The following GAN variants were observed in gnomAD, a reference collection of about 807,000 sequenced individuals.
GAN encodes epididymis secretory sperm binding protein.
GAN carries 48 observed loss-of-function variants against 71.3 expected under a neutral mutation model. That is an observed-to-expected ratio of 0.67 (90% CI 0.53 to 0.86). The LOEUF is 0.86. GAN is among the 40% of genes least tolerant of loss of function. The pLI, the probability that GAN is intolerant of heterozygous loss-of-function variation, is 0.00. For missense variants in GAN, 928 were observed against 770.1 expected (o/e 1.21, Z -2.43); for synonymous variants, 386 against 276.8 (o/e 1.39, Z -3.92).
At chr16:81,358,842 C>T (rs935794201) in intron 5 of GAN, among the ~76,000 whole-genome samples, 1 of 152,194 alleles carries the variant, frequency 6.6e-6, no homozygotes, top group African/African-American at 2.4e-5. Context: ...CCTTGTCCAC[C>T]TGATAAGTGT....
intron 9 of GAN, among the ~76,000 whole-genome samples, chr16:81,368,252 G>A (rs1910925415): frequency 6.6e-6 from 1 of 152,144 alleles, no homozygotes; most frequent in African/African-American, 2.4e-5. Flanking sequence ...TCTGTTCCTT[G>A]TGTCCATATT....
intron 6 of GAN, 145 bp downstream of exon 6, chr16:81,362,756 G>C (rs895878617): frequency 1.1e-5 from 8 of 699,322 alleles, no homozygotes. Flanking sequence ...TCTAGTGCCC[G>C]GCTCTCCTCC....
At chr16:81,358,557 C>G (rs192351480) in intron 5 of GAN, among the ~76,000 whole-genome samples, 1 of 150,758 alleles carries the variant, frequency 6.6e-6, no homozygotes, top group East Asian at 1.9e-4. Context: ...TGCTGTGAGC[C>G]AAGATCACAC....
At chr16:81,320,314 C>G (rs934985085) in intron 1 of GAN, among the ~76,000 whole-genome samples, 5 of 152,188 alleles carry the variant, frequency 3.3e-5, no homozygotes, top group African/African-American at 1.2e-4. Flanking sequence ...TCCGTGAGTA[C>G]TATGTGGTGT....
chr16:81,329,494 C>G (rs1025500360), intron 1 of GAN, among the ~76,000 whole-genome samples: 1 of 152,222 alleles, frequency 6.6e-6, no homozygotes, highest in Admixed American at 6.5e-5. Context: ...ATCTCTTTAT[C>G]TTGTGCACAG....
intron 1 of GAN, among the ~76,000 whole-genome samples, chr16:81,329,132 C>A (rs940151564): frequency 3.8e-4 from 57 of 151,780 alleles, no homozygotes; most frequent in African/African-American, 1.4e-3. Context: ...CTGACTGTCT[C>A]ATCTCCTGTT....
At chr16:81,367,603 A>G (rs2150693214) in intron 9 of GAN, among the ~76,000 whole-genome samples, 2 of 152,352 alleles carry the variant, frequency 1.3e-5, no homozygotes, top group South Asian at 4.1e-4. Context: ...TGATGTTTGT[A>G]AATAGAATGA....
At position 81,377,494 on chromosome 16, in the gene GAN, C is replaced by G. The variant is rs778536402; in HGVS notation, c.1692C>G (p.Asp564Glu). The change falls in exon 11 of 11, where the codon GAC becomes GAG. Residue 564 changes from aspartate (D) to glutamate (E), a missense_variant. Physicochemically the swap from Asp to Glu is conservative, Grantham distance 45 (BLOSUM62 2). Coordinates refer to ENST00000648994, the MANE Select transcript of GAN (RefSeq NM_022041.4). ...ACACTAAACCACTCCTTCCATCCGACCTTCGCCGTACAGGATGTGCAGCCT... is the reference window on the plus strand; with the variant it reads ...ACACTAAACCACTCCTTCCATCCGAGCTTCGCCGTACAGGATGTGCAGCCT... ...WHHTKPLLPS[D>E]LRRTGCAALR... is the part of the protein sequence containing the mutation. 1.9e-6 allele frequency: 3 copies of G among 1,614,004 alleles called. No individual in the cohort carries two copies. The highest frequency in any genetic ancestry group is 1.3e-5 in the African/African-American group (1 of 74,930).
Position 81,315,084 on chromosome 16 carries a change from G to C in GAN, c.-30G>C. The C allele has an allele frequency of 6.8e-7, 1 of 1,460,860 alleles. No individual in the cohort carries two copies. Among genetic ancestry groups the C allele is most frequent in the South Asian group, 1.3e-5 (1 of 75,328 alleles). 90.5% of individuals were successfully genotyped at this position (1,460,860 alleles called of 1,614,324 possible). ...GTCCGGCCGGACGGTGTCGGGAGCCGGACCCGTCGGCAGAGGAGCGGGCGC... is the reference window on the plus strand; with the variant it reads ...GTCCGGCCGGACGGTGTCGGGAGCCCGACCCGTCGGCAGAGGAGCGGGCGC... On this transcript the variant is annotated 5_prime_UTR_variant, in exon 1 of 11. Transcript: ENST00000648994.
At chr16:81,338,306 A>G (rs908592934) in intron 1 of GAN, among the ~76,000 whole-genome samples, 1 of 152,224 alleles carries the variant, frequency 6.6e-6, no homozygotes, top group Non-Finnish European at 1.5e-5. Context: ...AAGACTTCCA[A>G]GAAATTTACA....
At chr16:81,336,414 T>A (rs1317063021) in intron 1 of GAN, among the ~76,000 whole-genome samples, 4 of 152,182 alleles carry the variant, frequency 2.6e-5, no homozygotes, top group Non-Finnish European at 5.9e-5. Context: ...CAAATTGATA[T>A]TTCATTTAAG....
chr16:81,372,076 C>G (rs1368076715), intron 9 of GAN: 1 of 152,318 alleles, frequency 6.6e-6, no homozygotes, highest in African/African-American at 2.4e-5. Flanking sequence ...CTCTTCCTCT[C>G]TCCTTTCCTG....
intron 1 of GAN, among the ~76,000 whole-genome samples, chr16:81,322,020 C>T (rs1481636334): frequency 6.6e-6 from 1 of 152,158 alleles, no homozygotes; most frequent in Non-Finnish European, 1.5e-5. Flanking sequence ...GTTCCTGATT[C>T]TGGTGCTTGG....
In GAN at chr16:81,332,611, T is replaced by A. The variant is rs74620326; in HGVS notation, c.167+17331T>A. On this transcript the variant is annotated intron_variant, in intron 1 of 10. Coordinates refer to ENST00000648994, the MANE Select transcript of GAN (RefSeq NM_022041.4). ...TGACCACTCTCTCCCAAGAGCTGAT[T>A]CTGCCTTCCCTTGTACATAGCACAT... Among the ~76,000 whole-genome samples the A allele has an allele frequency of 6.0e-3, 911 of 152,316 alleles. 3 individuals are homozygous for A. The highest frequency in any genetic ancestry group is 9.3e-3 in the Non-Finnish European group (633 of 68,014).
chr16:81,319,390 G>C (rs772886182), intron 1 of GAN, among the ~76,000 whole-genome samples: 1 of 151,580 alleles, frequency 6.6e-6, no homozygotes, highest in Non-Finnish European at 1.5e-5. Flanking sequence ...TCATGTCTGA[G>C]GCTCTTCCGA....
intron 1 of GAN, among the ~76,000 whole-genome samples, chr16:81,319,170 C>A (rs1206883144): frequency 6.8e-6 from 1 of 147,156 alleles, no homozygotes; most frequent in Non-Finnish European, 1.5e-5. Context: ...GTGACAGAGA[C>A]CCTGTCTCTT....
At chr16:81,361,139 C>T (rs530556019) in intron 5 of GAN, among the ~76,000 whole-genome samples, 3 of 152,272 alleles carry the variant, frequency 2.0e-5, no homozygotes, top group South Asian at 4.1e-4. Context: ...GCAGGAGAAT[C>T]GCTTGAACCC....
At chr16:81,346,694 C>T (rs373854917) in intron 1 of GAN, among the ~76,000 whole-genome samples, 2 of 152,180 alleles carry the variant, frequency 1.3e-5, no homozygotes, top group Non-Finnish European at 2.9e-5. Flanking sequence ...GACTGCTGCT[C>T]TAAGATGCCT....
At chr16:81,360,406 T>C (rs927750677) in intron 5 of GAN, among the ~76,000 whole-genome samples, 5 of 152,226 alleles carry the variant, frequency 3.3e-5, no homozygotes, top group African/African-American at 1.2e-4. Context: ...CCTTCCATTG[T>C]TGTGAAGTCA....
Sources: allele counts gnomAD v4.1 joint callset (sites outside exome capture counted in the v4.1 genomes callset), GRCh38; gene constraint gnomAD v4.1.1; transcripts MANE v1.5; gene names NCBI Gene and HGNC (gene_info 2026-07-23, HGNC 2026-07-21).